ANKRD36: variants seen among roughly 807,000 people sequenced by gnomAD.
ANKRD36 encodes ankyrin repeat domain 36.
ANKRD36 carries 179 observed loss-of-function variants against 278.1 expected under a neutral mutation model. That is an observed-to-expected ratio of 0.64 (90% CI 0.57 to 0.73). The LOEUF (loss-of-function observed/expected upper bound fraction) is 0.73. Ranked by LOEUF, ANKRD36 falls within the 30% of genes least tolerant of loss-of-function variation. The pLI, the probability that ANKRD36 is intolerant of heterozygous loss-of-function variation, is 0.00. For missense variants in ANKRD36, 1,159 were observed against 1,956.7 expected (o/e 0.59, Z 7.69); for synonymous variants, 320 against 641.1 (o/e 0.50, Z 7.57).
chr2:97,116,979 C>T (rs1362089717), intron 1 of ANKRD36, among the ~76,000 whole-genome samples: 1 of 152,006 alleles, frequency 6.6e-6, no homozygotes, highest in East Asian at 1.9e-4. Flanking sequence ...TGTTTACCTG[C>T]CCAGCCTGAG....
intron 50 of ANKRD36, among the ~76,000 whole-genome samples, chr2:97,205,549 T>C (rs561265968): frequency 6.6e-6 from 1 of 151,658 alleles, no homozygotes; most frequent in African/African-American, 2.4e-5. Flanking sequence ...GTGTAAATCC[T>C]ATTGATTTGT....
chr2:97,147,687 G>A (rs2044639561), intron 11 of ANKRD36, among the ~76,000 whole-genome samples: 1 of 151,934 alleles, frequency 6.6e-6, no homozygotes, highest in African/African-American at 2.4e-5. Flanking sequence ...GAACACAGTG[G>A]AAGAGGATGA....
At position 97,150,326 on chromosome 2, in the gene ANKRD36, C is replaced by A. The variant is rs1047606704; in HGVS notation, c.1101+965C>A. On this transcript the variant is annotated intron_variant, in intron 12 of 75. Transcript: ENST00000420699. ...CATTCTAAATTTCAAATTTCAGAGG[C>A]TTTTGTGCTTAGTTATTGAAAAAAT... Among the ~76,000 whole-genome samples, 8 of 151,308 alleles carry A rather than the reference C, an allele frequency of 5.3e-5. 1 individual carries two copies. The highest frequency in any genetic ancestry group is 5.3e-4 in the Admixed American group (8 of 15,132).
At chr2:97,203,152 A>C (rs2061860822) in intron 48 of ANKRD36, among the ~76,000 whole-genome samples, 1 of 151,762 alleles carries the variant, frequency 6.6e-6, no homozygotes, top group African/African-American at 2.4e-5. Context: ...TCAAGGAGCT[A>C]CCTCTTGGAT....
At chr2:97,159,868 A>G (rs1326518775) in intron 17 of ANKRD36, among the ~76,000 whole-genome samples, 1 of 151,406 alleles carries the variant, frequency 6.6e-6, no homozygotes, top group Non-Finnish European at 1.5e-5. Flanking sequence ...TGCAAGCTCC[A>G]CCTCCCGGGT....
At chr2:97,170,690 A>G (rs2052201325) in intron 22 of ANKRD36, among the ~76,000 whole-genome samples, 2 of 152,006 alleles carry the variant, frequency 1.3e-5, no homozygotes, top group East Asian at 1.9e-4. Flanking sequence ...ACAAAAGACA[A>G]AATTGACAAA....
At chr2:97,261,298 A>G (rs2076731478) in intron 75 of ANKRD36, among the ~76,000 whole-genome samples, 1 of 129,086 alleles carries the variant, frequency 7.7e-6, no homozygotes, top group Non-Finnish European at 1.5e-5. Context: ...ACAAAGTACA[A>G]TTCATCTGGC....
rs202201284 is a variant in ANKRD36, at chr2:97,192,241, T to A, written c.2348-617T>A. Among the ~76,000 whole-genome samples, 141 of 150,524 alleles carry A rather than the reference T, an allele frequency of 9.4e-4. No homozygotes were observed. The East Asian group carries it at 0.019, about 20-fold the overall frequency. The stretch of plus-strand genomic sequence containing the variant: ...ACTTTAGGAAGGCTAAACTAGTGGA[T>A]ACAAGAAACTTAAGCAAATTATTAC... On this transcript the variant is annotated intron_variant, in intron 36 of 75. Transcript: ENST00000420699.
chr2:97,124,867 A>G (rs181835869), intron 5 of ANKRD36, among the ~76,000 whole-genome samples: 3 of 152,056 alleles, frequency 2.0e-5, no homozygotes, highest in Admixed American at 1.3e-4. Flanking sequence ...AGGGATTCCA[A>G]TGTTGTCCAT....
chr2:97,211,858 A>T, intron 58 of ANKRD36, 117 bp downstream of exon 58: 1 of 1,288,068 alleles, frequency 7.8e-7, no homozygotes, highest in Non-Finnish European at 1.1e-6. Context: ...AGTATTCCTG[A>T]GATTATTCAT....
In ANKRD36 at chr2:97,207,823, A is replaced by T; in HGVS notation, c.3176A>T (p.Lys1059Ile). The T allele has an allele frequency of 6.5e-7, 1 of 1,546,806 alleles. No individual in the cohort carries two copies. The highest frequency in any genetic ancestry group is 1.2e-5 in the South Asian group (1 of 83,844). ...TTTTACTTTTCAGTGTCTTCTGAGAAACCATCAGGCTTGAAGGTAATGAAA... is the reference window on the plus strand; with the variant it reads ...TTTTACTTTTCAGTGTCTTCTGAGATACCATCAGGCTTGAAGGTAATGAAA... ...GEKSRTVSSE[K>I]PSGLKATSAE... The change falls in exon 53 of 76, where the codon AAA becomes ATA. Residue 1059 changes from lysine to isoleucine, a missense_variant. Coordinates refer to ENST00000420699, the MANE Select transcript of ANKRD36 (RefSeq NM_001354587.1).
intron 67 of ANKRD36, among the ~76,000 whole-genome samples, chr2:97,227,145 T>A (rs1212550820): frequency 6.6e-6 from 1 of 152,112 alleles, no homozygotes; most frequent in Non-Finnish European, 1.5e-5. Context: ...TAAAGTAGTT[T>A]TTTCCAATTC....
intron 12 of ANKRD36, among the ~76,000 whole-genome samples, chr2:97,150,864 ATTTTATTGTTTTTTT>A (rs2045748611): frequency 9.4e-6 from 1 of 106,370 alleles, no homozygotes; most frequent in African/African-American, 3.8e-5. Context: ...AGTTGCTGGA[ATTTTATTGTTTTTTT>A]TTTTTTCTTT....
chr2:97,220,597 T>C (rs1283447793), intron 66 of ANKRD36, among the ~76,000 whole-genome samples: 1 of 151,764 alleles, frequency 6.6e-6, no homozygotes, highest in Non-Finnish European at 1.5e-5. Context: ...CTGAGCCGTA[T>C]ATGTATCACA....
At position 97,113,732 on chromosome 2, in the gene ANKRD36, C is replaced by T; in HGVS notation, c.-8C>T. ...ACGGCTGCAGGCTACAATTTGCAGC[C>T]GACGATTATGGAAGACGGCAAGCGG... On this transcript the variant is annotated 5_prime_UTR_variant, in exon 1 of 76. Transcript: ENST00000420699. The T allele has an allele frequency of 1.9e-6, 3 of 1,611,284 alleles. No individual in the cohort carries two copies. The highest frequency in any genetic ancestry group is 2.5e-6 in the Non-Finnish European group (3 of 1,179,628).
intron 1 of ANKRD36, among the ~76,000 whole-genome samples, chr2:97,114,417 C>CA (rs1285955965): frequency 3.9e-5 from 5 of 126,942 alleles, no homozygotes; most frequent in African/African-American, 1.5e-4. Flanking sequence ...GAAACCTTGG[C>CA]GGGGGCGAGC....
At chr2:97,197,116 A>G (rs530122009) in intron 42 of ANKRD36, among the ~76,000 whole-genome samples, 80 of 152,014 alleles carry the variant, frequency 5.3e-4, no homozygotes, top group African/African-American at 1.7e-3. Context: ...AAAGAGAGGA[A>G]GTATCGATTT....
intron 20 of ANKRD36, among the ~76,000 whole-genome samples, chr2:97,166,918 C>T (rs1288281990): frequency 6.6e-6 from 1 of 150,586 alleles, no homozygotes; most frequent in African/African-American, 2.5e-5. Context: ...GGTACATGTG[C>T]ACAATGTGCG....
intron 6 of ANKRD36, among the ~76,000 whole-genome samples, chr2:97,140,456 C>A (rs1268873211): frequency 6.6e-6 from 1 of 151,932 alleles, no homozygotes; most frequent in African/African-American, 2.4e-5. Flanking sequence ...TAATTTACTA[C>A]TCAGTGCTGT....
Sources: gnomAD v4.1 joint callset for allele counts (sites outside exome capture counted in the v4.1 genomes callset) on GRCh38, gnomAD v4.1.1 for gene constraint, MANE v1.5 for transcripts, NCBI Gene and HGNC (gene_info 2026-07-23, HGNC 2026-07-21) for gene names.